Variants in BMP6 observed in about 807,000 individuals in gnomAD.
BMP6 encodes bone morphogenetic protein 6.
Under a neutral mutation model 54.1 loss-of-function variants are expected in BMP6, and 17 were observed. The observed-to-expected ratio is 0.31, with a 90% CI of 0.22 to 0.47. The LOEUF is 0.47. Ranked by LOEUF, BMP6 falls within the 20% of genes least tolerant of loss-of-function variation. BMP6 has a pLI of 1.00. For missense variants in BMP6, 720 were observed against 690.4 expected, an observed-to-expected ratio of 1.04 and a Z score of -0.48; for synonymous variants, 328 against 291.2, an observed-to-expected ratio of 1.13 and a Z score of -1.28.
At chr6:7,761,813 A>G (rs1410533865) in intron 1 of BMP6, among the ~76,000 whole-genome samples, 1 of 152,068 alleles carries the variant, frequency 6.6e-6, no homozygotes, top group Non-Finnish European at 1.5e-5. Flanking sequence ...CTCAGTTGTC[A>G]TTTGTCATTT....
At chr6:7,825,679 C>G (rs1338652981) in intron 1 of BMP6, among the ~76,000 whole-genome samples, 1 of 150,820 alleles carries the variant, frequency 6.6e-6, no homozygotes, top group Non-Finnish European at 1.5e-5. Context: ...GAGATTGTGT[C>G]ATTGCGCTCC....
chr6:7,749,850 A>G (rs1757396950), intron 1 of BMP6, among the ~76,000 whole-genome samples: 1 of 152,238 alleles, frequency 6.6e-6, no homozygotes, highest in South Asian at 2.1e-4. Flanking sequence ...CAGAGATTTC[A>G]ATTTAGTATG....
At position 7,881,602 on chromosome 6, in the gene BMP6, C is replaced by G. The variant is rs188947034; in HGVS notation, c.*1259C>G. ...TTTGATTTTCTTGGAATACAAGACT[C>G]GTGATGCAAAGCTGAAGTTGTGTGT... On this transcript the variant is annotated 3_prime_UTR_variant, in exon 7 of 7. Coordinates refer to ENST00000283147, the MANE Select transcript of BMP6 (RefSeq NM_001718.6). 6.6e-6 allele frequency: 1 copy of G among 150,788 alleles called. No homozygotes were observed. Among genetic ancestry groups the G allele is most frequent in the Non-Finnish European group, 1.5e-5 (1 of 67,988 alleles). The allele number at this position is 150,788 out of a possible 1,614,324, so 9.3% of individuals were successfully genotyped here.
chr6:7,755,619 T>C (rs553389757), intron 1 of BMP6, among the ~76,000 whole-genome samples: 1 of 152,186 alleles, frequency 6.6e-6, no homozygotes, highest in South Asian at 2.1e-4. Flanking sequence ...ACCCACCTAT[T>C]TACCATTTCT....
At chr6:7,765,633 T>G (rs971806431) in intron 1 of BMP6, among the ~76,000 whole-genome samples, 1 of 152,258 alleles carries the variant, frequency 6.6e-6, no homozygotes, top group African/African-American at 2.4e-5. Context: ...TTTTAGCACA[T>G]GCTGGTAGAC....
chr6:7,840,542 G>T (rs1230107059), intron 1 of BMP6, among the ~76,000 whole-genome samples: 1 of 152,126 alleles, frequency 6.6e-6, no homozygotes, highest in Non-Finnish European at 1.5e-5. Context: ...AAAGGTCTAG[G>T]ACAGGTGAGA....
At chr6:7,775,536 A>C (rs746850787) in intron 1 of BMP6, among the ~76,000 whole-genome samples, 1 of 152,236 alleles carries the variant, frequency 6.6e-6, no homozygotes, top group Non-Finnish European at 1.5e-5. Context: ...GTAATGTAAG[A>C]ATAATGTTTG....
At chr6:7,800,912 A>AGGGGGGGGGG (rs201191015) in intron 1 of BMP6, among the ~76,000 whole-genome samples, 14 of 37,738 alleles carry the variant, frequency 3.7e-4, no homozygotes, top group African/African-American at 1.0e-3. Context: ...AAGCGGGGGG[A>AGGGGGGGGGG]GGGGGGGGCA....
At chr6:7,730,854 G>C (rs1406130054) in intron 1 of BMP6, among the ~76,000 whole-genome samples, 1 of 152,130 alleles carries the variant, frequency 6.6e-6, no homozygotes, top group African/African-American at 2.4e-5. Context: ...TTTAAAGTAC[G>C]CTTATACCTA....
At chr6:7,790,320 G>A (rs1194595704) in intron 1 of BMP6, among the ~76,000 whole-genome samples, 1 of 151,640 alleles carries the variant, frequency 6.6e-6, no homozygotes, top group African/African-American at 2.4e-5. Flanking sequence ...TTTGAGACCA[G>A]CCTGGGCATC....
At chr6:7,808,632 G>C (rs1222475379) in intron 1 of BMP6, among the ~76,000 whole-genome samples, 2 of 152,286 alleles carry the variant, frequency 1.3e-5, no homozygotes, top group Admixed American at 1.3e-4. Context: ...CAAAAAGTTA[G>C]GCTGGGCACA....
At chr6:7,757,645 C>T (rs534076344) in intron 1 of BMP6, among the ~76,000 whole-genome samples, 7 of 152,304 alleles carry the variant, frequency 4.6e-5, no homozygotes, top group Admixed American at 1.3e-4. Context: ...CCCAAAGTTG[C>T]TTTGATCCCT....
intron 2 of BMP6, among the ~76,000 whole-genome samples, chr6:7,861,228 C>A (rs558377816): frequency 6.6e-6 from 1 of 152,150 alleles, no homozygotes; most frequent in East Asian, 1.9e-4. Flanking sequence ...AAGCTGATTT[C>A]TATGAAGCGC....
intron 2 of BMP6, among the ~76,000 whole-genome samples, chr6:7,855,993 C>A (rs1759224616): frequency 6.6e-6 from 1 of 151,854 alleles, no homozygotes; most frequent in South Asian, 2.1e-4. Flanking sequence ...ATTCTAACAG[C>A]AAAGTGATTT....
Position 7,817,670 on chromosome 6 carries a change from A to C in BMP6, c.665-27470A>C, listed in dbSNP as rs376016924. Among the ~76,000 whole-genome samples, 9 of 151,952 alleles carry C rather than the reference A, an allele frequency of 5.9e-5. No homozygotes were observed. The East Asian group carries it at 1.2e-3, about 20-fold the overall frequency. ...GCACACCAACATGGCACATGTATAC[A>C]TATGTAACAAACCTGCACATTGTGC... On this transcript the variant is annotated intron_variant, in intron 1 of 6. Coordinates refer to ENST00000283147, the MANE Select transcript of BMP6 (RefSeq NM_001718.6).
At chr6:7,792,190 C>A (rs750160321) in intron 1 of BMP6, among the ~76,000 whole-genome samples, 5 of 152,154 alleles carry the variant, frequency 3.3e-5, no homozygotes, top group Admixed American at 1.3e-4. Flanking sequence ...ACCTGGGAAA[C>A]CTCCGTTTTT....
intron 1 of BMP6, among the ~76,000 whole-genome samples, chr6:7,808,656 A>G (rs779752745): frequency 6.6e-6 from 1 of 152,168 alleles, no homozygotes; most frequent in African/African-American, 2.4e-5. Flanking sequence ...GCTCATGCCT[A>G]TAATTCCAGT....
At chr6:7,856,542 GT>G (rs1759235818) in intron 2 of BMP6, among the ~76,000 whole-genome samples, 1 of 148,932 alleles carries the variant, frequency 6.7e-6, no homozygotes, top group Admixed American at 6.7e-5. Context: ...ACCTTACTGA[GT>G]ATTTCATAAA....
In BMP6 at chr6:7,727,660, C is replaced by G. The variant is rs773654766; in HGVS notation, c.664+41C>G. ...AACGTAATGACGAGAACATTTCCCC[C>G]TTTTCAGTGTCCCGGGCCCAGGGGA... On this transcript the variant is annotated intron_variant, in intron 1 of 6. Transcript: ENST00000283147. 4 of 1,472,826 alleles carry G rather than the reference C, an allele frequency of 2.7e-6. No individual in the cohort carries two copies. In the African/African-American group the frequency reaches 5.8e-5, roughly 21 times the overall value. 91.2% of individuals were successfully genotyped at this position (1,472,826 alleles called of 1,614,324 possible).
Sources: allele counts gnomAD v4.1 joint callset (sites outside exome capture counted in the v4.1 genomes callset), GRCh38; gene constraint gnomAD v4.1.1; transcripts MANE v1.5; gene names NCBI Gene and HGNC (gene_info 2026-07-23, HGNC 2026-07-21).